Variants in KCNMA1 observed in about 807,000 individuals in gnomAD.
KCNMA1 encodes the protein Calcium-activated potassium channel subunit alpha-1.
Under a neutral mutation model 140.0 loss-of-function variants are expected in KCNMA1, and 29 were observed. That is an observed-to-expected ratio of 0.21 (90% CI 0.15 to 0.28). KCNMA1 has a LOEUF of 0.28. Among genes scored for constraint, KCNMA1 ranks in the 10% least tolerant of loss-of-function variants. The probability of loss-of-function intolerance (pLI) is 1.00; values close to 1 mark genes in which losing one functional copy is unlikely to be tolerated. For missense variants in KCNMA1, 880 were observed against 1,602.2 expected (o/e 0.55, Z 7.70); for synonymous variants, 612 against 611.9 (o/e 1.00, Z 0.00).
chr10:77,518,737 C>T (rs2051593509), intron 1 of KCNMA1, among the ~76,000 whole-genome samples: 1 of 152,174 alleles, frequency 6.6e-6, no homozygotes, highest in Non-Finnish European at 1.5e-5. Context: ...GCTTTGGGGA[C>T]TCCAGCGGGG....
At chr10:76,876,958 T>A (rs886958569), downstream of KCNMA1, 2 of 152,484 alleles carry the variant, frequency 1.3e-5, no homozygotes, top group African/African-American at 2.4e-5. Context: ...GTGCATCTGG[T>A]CCTCAGCTTC....
chr10:77,245,729 C>T (rs2058403153), intron 3 of KCNMA1, among the ~76,000 whole-genome samples: 1 of 152,070 alleles, frequency 6.6e-6, no homozygotes, highest in Non-Finnish European at 1.5e-5. Context: ...TTTCAGTATG[C>T]CAAATCACAA....
intron 3 of KCNMA1, among the ~76,000 whole-genome samples, chr10:77,221,779 T>C (rs183114983): frequency 6.6e-6 from 1 of 152,224 alleles, no homozygotes; most frequent in African/African-American, 2.4e-5. Context: ...CTCAAGAAAG[T>C]CTATGTTCTC....
chr10:76,947,074 C>T (rs952592129), intron 22 of KCNMA1, among the ~76,000 whole-genome samples: 3 of 152,166 alleles, frequency 2.0e-5, no homozygotes, highest in South Asian at 2.1e-4. Context: ...GTGGCTGATG[C>T]CTGTAATCCC....
chr10:77,439,174 G>A lies in KCNMA1; in HGVS notation c.379-35151C>T, dbSNP rs191271179. ...AAAGAGAAGAGAAGAAAAGAAAAGA[G>A]AAGAGAAGATTCCAAACATACAACA... On this transcript the variant is annotated intron_variant, in intron 1 of 27. Coordinates refer to ENST00000286628, the MANE Select transcript of KCNMA1 (RefSeq NM_001161352.2). Among the ~76,000 whole-genome samples the A allele has an allele frequency of 5.3e-5, 8 of 151,518 alleles. 1 individual carries two copies. The highest frequency in any genetic ancestry group is 6.8e-3 in the Middle Eastern group (2 of 292).
chr10:76,928,479 T>C (rs117223626), intron 23 of KCNMA1, among the ~76,000 whole-genome samples: 1 of 152,264 alleles, frequency 6.6e-6, no homozygotes, highest in East Asian at 1.9e-4. Context: ...TGGTATCTTA[T>C]TCTTTAAATG....
In KCNMA1 at chr10:77,637,523, G is replaced by A. The variant is rs1350695863; in HGVS notation, c.120C>T (p.Ser40=). 3.8e-6 allele frequency: 6 copies of A among 1,560,356 alleles called. No homozygotes were observed. The highest frequency in any genetic ancestry group is 4.4e-6 in the Non-Finnish European group (5 of 1,146,760). The change falls in exon 1 of 28, where the codon TCC becomes TCT. Residue 40 remains serine (S), a synonymous_variant. Coordinates refer to ENST00000286628, the MANE Select transcript of KCNMA1 (RefSeq NM_001161352.2). ...HANHLSLDAS[S]SSSSSSSSSS... ...AAGAGGAAGAGGAGGAGGAGGAGGA[G>A]GAGGACGCGTCTAGGCTGAGATGGT...
chr10:77,090,729 T>C, intron 9 of KCNMA1: 1 of 589,272 alleles, frequency 1.7e-6, no homozygotes, highest in Non-Finnish European at 3.0e-6. Context: ...ATATGGCTTC[T>C]CACCTGATGC....
intron 2 of KCNMA1, among the ~76,000 whole-genome samples, chr10:77,293,413 T>TAGAGCATGGTA: frequency 6.6e-6 from 1 of 152,250 alleles, no homozygotes; most frequent in South Asian, 2.1e-4. Flanking sequence ...GTGGTTCCCT[T>TAGAGCATGGTA]GATATCAGCT....
At chr10:77,618,069 C>G (rs1337351194) in intron 1 of KCNMA1, among the ~76,000 whole-genome samples, 1 of 152,114 alleles carries the variant, frequency 6.6e-6, no homozygotes, top group East Asian at 1.9e-4. Flanking sequence ...AAAACTACCC[C>G]TCATGATCCT....
intron 5 of KCNMA1, among the ~76,000 whole-genome samples, chr10:77,180,420 G>T (rs966864069): frequency 6.6e-6 from 1 of 152,170 alleles, no homozygotes; most frequent in African/African-American, 2.4e-5. Context: ...ATCAGTTTTA[G>T]ATTTCACCCA....
intron 1 of KCNMA1, among the ~76,000 whole-genome samples, chr10:77,627,624 C>T (rs941901572): frequency 3.3e-5 from 5 of 152,162 alleles, no homozygotes; most frequent in African/African-American, 9.7e-5. Context: ...CTCAACACTG[C>T]GGACATGGAA....
intron 3 of KCNMA1, among the ~76,000 whole-genome samples, chr10:77,210,655 T>TCACCATG (rs2045758323): frequency 6.6e-6 from 1 of 152,184 alleles, no homozygotes; most frequent in Admixed American, 6.5e-5. Flanking sequence ...TACTCTTTAC[T>TCACCATG]TAGAAAACCC....
chr10:77,380,125 G>A (rs768779084), intron 2 of KCNMA1, among the ~76,000 whole-genome samples: 3 of 152,272 alleles, frequency 2.0e-5, no homozygotes, highest in Non-Finnish European at 2.9e-5. Context: ...TGTGTGAACA[G>A]GTTAAACAAA....
chr10:77,430,585 A>G (rs1009384144), intron 1 of KCNMA1, among the ~76,000 whole-genome samples: 7 of 152,198 alleles, frequency 4.6e-5, no homozygotes, highest in Non-Finnish European at 1.0e-4. Context: ...TCACCTAGGA[A>G]CAACGCCTAG....
intron 1 of KCNMA1, among the ~76,000 whole-genome samples, chr10:77,508,699 T>C (rs910498139): frequency 7.9e-5 from 12 of 151,528 alleles, no homozygotes; most frequent in African/African-American, 2.9e-4. Context: ...TCTAGTTCTA[T>C]AGCACGAAGT....
chr10:77,402,522 G>A (rs1174359106), intron 2 of KCNMA1, among the ~76,000 whole-genome samples: 1 of 152,152 alleles, frequency 6.6e-6, no homozygotes, highest in Non-Finnish European at 1.5e-5. Context: ...CAGATCCCTC[G>A]GTGAACAGAA....
At chr10:76,966,032 T>C (rs1160997500) in intron 20 of KCNMA1, among the ~76,000 whole-genome samples, 1 of 152,212 alleles carries the variant, frequency 6.6e-6, no homozygotes, top group African/African-American at 2.4e-5. Context: ...TGCTAAACTA[T>C]AAGCATTTTG....
intron 1 of KCNMA1, among the ~76,000 whole-genome samples, chr10:77,411,612 T>C (rs2096620033): frequency 6.6e-6 from 1 of 152,170 alleles, no homozygotes; most frequent in African/African-American, 2.4e-5. Context: ...GACGGGAGAA[T>C]GCATGTGCAA....
Sources: gnomAD v4.1 joint callset for allele counts (sites outside exome capture counted in the v4.1 genomes callset) on GRCh38, gnomAD v4.1.1 for gene constraint, MANE v1.5 for transcripts, NCBI Gene and HGNC (gene_info 2026-07-23, HGNC 2026-07-21) for gene names.